The following HMCN1 variants were observed in gnomAD, a reference collection of about 807,000 sequenced individuals.
HMCN1 encodes hemicentin 1, also known as hemicentin-1.
In HMCN1, 321 loss-of-function variants were observed where a neutral mutation model predicts 625.9. The ratio of observed to expected loss-of-function variants is 0.51; its 90% CI spans 0.47 to 0.56. HMCN1 has a LOEUF of 0.56. Among genes scored for constraint, HMCN1 ranks in the 20% least tolerant of loss-of-function variants. The probability of loss-of-function intolerance (pLI) is 0.00; values close to 1 mark genes in which losing one functional copy is unlikely to be tolerated. For missense variants in HMCN1, 6,588 were observed against 6,887.3 expected (o/e 0.96, Z 1.54); for synonymous variants, 2,425 against 2,417.6 (o/e 1.00, Z -0.09).
intron 4 of HMCN1, among the ~76,000 whole-genome samples, chr1:185,897,303 TC>T (rs1454271030): frequency 6.6e-6 from 1 of 152,162 alleles, no homozygotes; most frequent in Non-Finnish European, 1.5e-5. Flanking sequence ...TTCCAGCCTT[TC>T]CCTCCCAATC....
At chr1:185,958,901 C>T (rs1051657696) in intron 11 of HMCN1, among the ~76,000 whole-genome samples, 5 of 152,084 alleles carry the variant, frequency 3.3e-5, no homozygotes, top group Non-Finnish European at 7.4e-5. Context: ...TAGGCACTGA[C>T]GGAAGGAAAG....
In HMCN1 at chr1:185,923,599, G is replaced by A; in HGVS notation, c.1231G>A (p.Asp411Asn). ...FFLKVTGYDK[D>N]DYLFQRVSSV... is the part of the protein sequence containing the mutation. ...TCTCAAAGTAACAGGCTATGATAAAGATGATTACCTCTTCCAGAGAGTATC... is the reference window on the plus strand; with the variant it reads ...TCTCAAAGTAACAGGCTATGATAAAAATGATTACCTCTTCCAGAGAGTATC... Residue 411 changes from aspartate to asparagine, a missense_variant, in exon 8 of 107, where the codon GAT (aspartate) becomes AAT (asparagine). By Grantham distance (23) the Asp-to-Asn change is conservative. Coordinates refer to ENST00000271588, the MANE Select transcript of HMCN1 (RefSeq NM_031935.3). 6.2e-7 allele frequency: 1 copy of A among 1,609,478 alleles called. No individual in the cohort carries two copies. Among genetic ancestry groups the A allele is most frequent in the East Asian group, 2.2e-5 (1 of 44,738 alleles).
At chr1:185,833,289 C>G (rs1470184394) in intron 1 of HMCN1, among the ~76,000 whole-genome samples, 2 of 152,136 alleles carry the variant, frequency 1.3e-5, no homozygotes, top group African/African-American at 2.4e-5. Context: ...TTCTATCAAA[C>G]ATATTCAGCT....
chr1:186,134,876 G>T (rs1228656128), intron 86 of HMCN1, among the ~76,000 whole-genome samples: 1 of 152,042 alleles, frequency 6.6e-6, no homozygotes, highest in East Asian at 1.9e-4. Context: ...TGCCCCGTTT[G>T]CTTTCTTATT....
At chr1:185,754,854 AT>A (rs1199725936) in intron 1 of HMCN1, among the ~76,000 whole-genome samples, 1 of 152,184 alleles carries the variant, frequency 6.6e-6, no homozygotes, top group East Asian at 1.9e-4. Flanking sequence ...TCTCAAAAAA[AT>A]AATAAAATAA....
At chr1:186,131,142 C>T (rs985372258) in intron 85 of HMCN1, among the ~76,000 whole-genome samples, 1 of 152,012 alleles carries the variant, frequency 6.6e-6, no homozygotes, top group Admixed American at 6.6e-5. Context: ...ATATTTTATC[C>T]AAAAATGTCT....
At chr1:185,848,493 TC>T (rs751944675) in intron 2 of HMCN1, among the ~76,000 whole-genome samples, 1 of 152,086 alleles carries the variant, frequency 6.6e-6, no homozygotes, top group Non-Finnish European at 1.5e-5. Flanking sequence ...TGAAACTGGC[TC>T]CTTTTTGTTT....
intron 1 of HMCN1, among the ~76,000 whole-genome samples, chr1:185,842,068 C>T (rs1369485335): frequency 6.6e-6 from 1 of 152,162 alleles, no homozygotes; most frequent in Non-Finnish European, 1.5e-5. Flanking sequence ...GAAAAAAAGT[C>T]TGTATCAATT....
intron 36 of HMCN1, among the ~76,000 whole-genome samples, chr1:186,032,870 C>T (rs1351887897): frequency 6.6e-6 from 1 of 152,068 alleles, no homozygotes; most frequent in East Asian, 1.9e-4. Flanking sequence ...CCTTAAGGAA[C>T]CAAAAGTAGA....
At chr1:185,881,034 A>G (rs1467896592) in intron 4 of HMCN1, among the ~76,000 whole-genome samples, 1 of 152,222 alleles carries the variant, frequency 6.6e-6, no homozygotes, top group Non-Finnish European at 1.5e-5. Flanking sequence ...TGCGACTCCC[A>G]AAGTCCCAGA....
At chr1:185,968,098 G>T (rs1650549043) in intron 14 of HMCN1, among the ~76,000 whole-genome samples, 1 of 152,104 alleles carries the variant, frequency 6.6e-6, no homozygotes, top group Non-Finnish European at 1.5e-5. Context: ...CCTAAAATGT[G>T]GTTTGGAGAC....
intron 1 of HMCN1, among the ~76,000 whole-genome samples, chr1:185,810,476 C>T (rs182094611): frequency 8.5e-5 from 13 of 152,208 alleles, no homozygotes; most frequent in African/African-American, 2.6e-4. Context: ...ATGTTTTGCT[C>T]TTTGAATATT....
At chr1:185,862,871 TAGAG>T (rs1662957873) in intron 2 of HMCN1, among the ~76,000 whole-genome samples, 1 of 152,224 alleles carries the variant, frequency 6.6e-6, no homozygotes, top group South Asian at 2.1e-4. Context: ...CTCTCAGTTT[TAGAG>T]TCAATTTTTA....
At chr1:185,889,309 C>T (rs867148038) in intron 4 of HMCN1, among the ~76,000 whole-genome samples, 3 of 143,042 alleles carry the variant, frequency 2.1e-5, no homozygotes, top group African/African-American at 2.8e-5. Flanking sequence ...ATTTCCTTCT[C>T]CTGCCTAATT....
At chr1:186,075,391 A>T (rs1247050876) in intron 53 of HMCN1, among the ~76,000 whole-genome samples, 1 of 152,152 alleles carries the variant, frequency 6.6e-6, no homozygotes, top group Non-Finnish European at 1.5e-5. Flanking sequence ...ATAAATAAAT[A>T]AATAAATGTA....
At chr1:185,997,367 C>G in intron 24 of HMCN1, 62 bp from the exon 25 acceptor site, 2 of 1,000,388 alleles carry the variant, frequency 2.0e-6, no homozygotes, top group Admixed American at 3.4e-5. Context: ...GTTAATTGTG[C>G]CTTAGGAGAG....
At chr1:185,932,812 C>T (rs900543440) in intron 10 of HMCN1, among the ~76,000 whole-genome samples, 7 of 151,936 alleles carry the variant, frequency 4.6e-5, no homozygotes, top group South Asian at 2.1e-4. Flanking sequence ...CAAACCTGTA[C>T]GTTCTGCACA....
At chr1:185,832,296 A>G (rs2102291861) in intron 1 of HMCN1, among the ~76,000 whole-genome samples, 1 of 152,324 alleles carries the variant, frequency 6.6e-6, no homozygotes, top group East Asian at 1.9e-4. Flanking sequence ...TCTCTCAAAA[A>G]AACAAAAAAT....
intron 1 of HMCN1, among the ~76,000 whole-genome samples, chr1:185,805,909 G>T (rs1479743583): frequency 2.6e-5 from 4 of 152,050 alleles, no homozygotes; most frequent in Non-Finnish European, 4.4e-5. Context: ...TTCATGGTTA[G>T]GGCATGGTTC....
Sources: gnomAD v4.1 joint callset for allele counts (sites outside exome capture counted in the v4.1 genomes callset) on GRCh38, gnomAD v4.1.1 for gene constraint, MANE v1.5 for transcripts, NCBI Gene and HGNC (gene_info 2026-07-23, HGNC 2026-07-21) for gene names.